The following CCDC138 variants were observed in gnomAD, a reference collection of about 807,000 sequenced individuals.
CCDC138 encodes coiled-coil domain-containing protein 138.
Under a neutral mutation model 82.3 loss-of-function variants are expected in CCDC138, and 66 were observed. The observed-to-expected ratio is 0.80, with a 90% CI of 0.66 to 0.98. The LOEUF is 0.98. CCDC138 is among the 50% of genes least tolerant of loss of function. The pLI is 0.00. For missense variants in CCDC138, 816 were observed against 758.9 expected (o/e 1.08, Z -0.88); for synonymous variants, 297 against 265.4 (o/e 1.12, Z -1.16).
At chr2:108,788,628 G>C (rs1558957724) in intron 2 of CCDC138, among the ~76,000 whole-genome samples, 2 of 151,884 alleles carry the variant, frequency 1.3e-5, no homozygotes, top group Non-Finnish European at 2.9e-5. Context: ...GCTGAGGCAG[G>C]AGAATGGGGT....
rs193188642 is a variant in CCDC138, at chr2:108,842,428, A to G, written c.1323+3127A>G. On this transcript the variant is annotated intron_variant, in intron 11 of 14. Coordinates refer to ENST00000295124, the MANE Select transcript of CCDC138 (RefSeq NM_144978.3). ...TGGAAGTCAGGAAGCACAGGCAGGGAGAGAGAGCGAGAGAGAGAGAAAGGG... is the reference window on the plus strand; with the variant it reads ...TGGAAGTCAGGAAGCACAGGCAGGGGGAGAGAGCGAGAGAGAGAGAAAGGG... Among the ~76,000 whole-genome samples the G allele has an allele frequency of 2.0e-5, 3 of 152,200 alleles. No homozygotes were observed. In the East Asian group the frequency reaches 5.8e-4, roughly 29 times the overall value.
At chr2:108,866,436 CT>C (rs1694424989) in intron 13 of CCDC138, among the ~76,000 whole-genome samples, 1 of 152,200 alleles carries the variant, frequency 6.6e-6, no homozygotes, top group South Asian at 2.1e-4. Flanking sequence ...CCACACTAGT[CT>C]TTCATTTTTC....
intron 12 of CCDC138, among the ~76,000 whole-genome samples, chr2:108,854,606 A>G (rs1692303130): frequency 6.6e-6 from 1 of 152,200 alleles, no homozygotes; most frequent in Admixed American, 6.5e-5. Flanking sequence ...ATAAACTTCC[A>G]GAGACTTAGT....
At chr2:108,787,023 C>T in intron 1 of CCDC138, 108 bp downstream of exon 1, 1 of 593,064 alleles carries the variant, frequency 1.7e-6, no homozygotes, top group Non-Finnish European at 2.5e-6. Context: ...TGGTCCCGGC[C>T]CCGGCACTCC....
At chr2:108,833,959 G>A (rs1211409778) in intron 10 of CCDC138, among the ~76,000 whole-genome samples, 3 of 145,098 alleles carry the variant, frequency 2.1e-5, no homozygotes, top group African/African-American at 7.8e-5. Flanking sequence ...TGTTAGCCAG[G>A]ATGGTCTCTA....
intron 1 of CCDC138, among the ~76,000 whole-genome samples, chr2:108,881,839 C>T (rs188587061): frequency 6.6e-6 from 1 of 152,088 alleles, no homozygotes; most frequent in Non-Finnish European, 1.5e-5. Flanking sequence ...GAAACAATTA[C>T]AATAGTAACA....
At chr2:108,803,298 C>A in intron 6 of CCDC138, among the ~76,000 whole-genome samples, 1 of 152,348 alleles carries the variant, frequency 6.6e-6, no homozygotes. Flanking sequence ...AGAGGATCCT[C>A]TGTTTGAGTC....
At chr2:108,787,943 T>C (rs1679184392) in intron 1 of CCDC138, 89 bp from the exon 2 acceptor site, 2 of 1,108,492 alleles carry the variant, frequency 1.8e-6, no homozygotes, top group East Asian at 5.7e-5. Flanking sequence ...CTCTAACCTT[T>C]GTAATTAATA....
chr2:108,845,710 T>C (rs938903068), intron 11 of CCDC138, among the ~76,000 whole-genome samples: 15 of 151,884 alleles, frequency 9.9e-5, no homozygotes, highest in Non-Finnish European at 1.6e-4. Flanking sequence ...TAGCTGGGAC[T>C]ATGGGCACCC....
At chr2:108,881,011 CT>C (rs1297580471), downstream of CCDC138, among the ~76,000 whole-genome samples, 1 of 152,160 alleles carries the variant, frequency 6.6e-6, no homozygotes, top group Non-Finnish European at 1.5e-5. Flanking sequence ...TCACGAATGA[CT>C]TTGAGGGGTT....
chr2:108,829,690 G>T (rs572487167), intron 10 of CCDC138, among the ~76,000 whole-genome samples: 107 of 152,322 alleles, frequency 7.0e-4, no homozygotes, highest in Non-Finnish European at 1.4e-3. Context: ...AGGTTGCAGT[G>T]AGCCAAGATC....
At chr2:108,860,771 G>A (rs1436302439) in intron 13 of CCDC138, among the ~76,000 whole-genome samples, 1 of 151,534 alleles carries the variant, frequency 6.6e-6, no homozygotes. Context: ...TTCTACTTTT[G>A]TTGTGTCTTT....
Position 108,875,967 on chromosome 2 carries a change from T to C in CCDC138, c.1833-121T>C, listed in dbSNP as rs1017051068. 6 of 600,378 alleles carry C rather than the reference T, an allele frequency of 1.0e-5. No individual in the cohort carries two copies. In the Admixed American group the frequency reaches 1.6e-4, roughly 16 times the overall value. 37.2% of individuals were successfully genotyped at this position (600,378 alleles called of 1,614,324 possible). The stretch of plus-strand genomic sequence containing the variant: ...TCTAATCTTTTAGTTGCCTATTTTC[T>C]CCACTGTTTTTAAAAACAGATGCCA... On this transcript the variant is annotated intron_variant, in intron 14 of 14. Transcript: ENST00000295124.
At chr2:108,874,675 C>T (rs1365865182) in intron 14 of CCDC138, among the ~76,000 whole-genome samples, 1 of 152,054 alleles carries the variant, frequency 6.6e-6, no homozygotes, top group Non-Finnish European at 1.5e-5. Context: ...TCCATATGTT[C>T]TATTTGGTAA....
At chr2:108,872,682 G>A (rs749770028) in intron 13 of CCDC138, among the ~76,000 whole-genome samples, 21 of 152,064 alleles carry the variant, frequency 1.4e-4, no homozygotes, top group Non-Finnish European at 1.9e-4. Context: ...AGCAAGAGGG[G>A]GCTGCACTCA....
chr2:108,870,570 CAAAAGT>C (rs138302038), intron 13 of CCDC138, among the ~76,000 whole-genome samples: 2,179 of 152,132 alleles, frequency 0.014, 54 homozygotes, highest in African/African-American at 0.05. Flanking sequence ...ATGAAACTGT[CAAAAGT>C]AAAAGACAAA....
At chr2:108,831,507 A>G (rs1360618844) in intron 10 of CCDC138, among the ~76,000 whole-genome samples, 1 of 152,034 alleles carries the variant, frequency 6.6e-6, no homozygotes, top group Non-Finnish European at 1.5e-5. Context: ...ATGAAGTGAA[A>G]TTTTTTCATG....
chr2:108,853,881 A>AT, intron 12 of CCDC138, among the ~76,000 whole-genome samples: 1 of 123,830 alleles, frequency 8.1e-6, no homozygotes, highest in South Asian at 2.2e-4. Flanking sequence ...ACTATATAAT[A>AT]TATTATATAG....
At chr2:108,877,397 C>T (rs1344735928), downstream of CCDC138, among the ~76,000 whole-genome samples, 1 of 151,954 alleles carries the variant, frequency 6.6e-6, no homozygotes, top group Non-Finnish European at 1.5e-5. Flanking sequence ...ACCTGGGAGG[C>T]AGAGGTTCCA....
Sources: gnomAD v4.1 joint callset for allele counts (sites outside exome capture counted in the v4.1 genomes callset) on GRCh38, gnomAD v4.1.1 for gene constraint, MANE v1.5 for transcripts, NCBI Gene and HGNC (gene_info 2026-07-23, HGNC 2026-07-21) for gene names.